Variants in GGNBP2 observed in about 807,000 individuals in gnomAD.
GGNBP2 encodes the protein gametogenetin-binding protein 2.
A neutral mutation model predicts 85.9 loss-of-function variants in GGNBP2; 10 were observed. The observed-to-expected ratio is 0.12, with a 90% CI of 0.07 to 0.20. The LOEUF (loss-of-function observed/expected upper bound fraction) is 0.20, where lower values mean the gene tolerates loss of function less well. Among genes scored for constraint, GGNBP2 ranks in the 10% least tolerant of loss-of-function variants. GGNBP2 has a pLI of 1.00. For synonymous variants in GGNBP2, 287 were observed against 285.7 expected (o/e 1.00, Z -0.05); for missense variants, 595 against 857.8 (o/e 0.69, Z 3.83).
intron 8 of GGNBP2, among the ~76,000 whole-genome samples, 182 bp downstream of exon 8, chr17:36,579,601 G>C (rs1434079901): frequency 6.6e-6 from 1 of 152,186 alleles, no homozygotes; most frequent in African/African-American, 2.4e-5. Flanking sequence ...CTGGGATTTA[G>C]AAGAAGTTGA....
At chr17:36,575,535 G>A (rs2074568302) in intron 6 of GGNBP2, among the ~76,000 whole-genome samples, 1 of 146,846 alleles carries the variant, frequency 6.8e-6, no homozygotes, top group South Asian at 2.1e-4. Flanking sequence ...TAAAACTTTA[G>A]TGAAATAACA....
At chr17:36,550,882 C>A (rs750821421) in intron 2 of GGNBP2, among the ~76,000 whole-genome samples, 1 of 152,160 alleles carries the variant, frequency 6.6e-6, no homozygotes, top group Non-Finnish European at 1.5e-5. Flanking sequence ...GAATGAAGAA[C>A]AAATTGTGCT....
intron 6 of GGNBP2, among the ~76,000 whole-genome samples, chr17:36,570,337 G>A (rs1048823390): frequency 2.6e-5 from 4 of 152,156 alleles, no homozygotes; most frequent in Admixed American, 2.0e-4. Context: ...CACAGTGGCC[G>A]TGATTGTACC....
rs768839857 is a variant in GGNBP2, at chr17:36,554,809, T to C, written c.94-11T>C. On this transcript the variant is annotated splice_polypyrimidine_tract_variant and intron_variant, in intron 2 of 13. Transcript: ENST00000613102. ...TAAAGTAATTGATTTCCGTTCTGTT[T>C]GCATTTTAAGATGGTGATGGAATTT... 6 of 1,550,642 alleles carry C rather than the reference T, an allele frequency of 3.9e-6. No homozygotes were observed. In the African/African-American group the frequency reaches 5.4e-5, roughly 14 times the overall value.
Position 36,589,697 on chromosome 17 carries a change from ATGT to A in GGNBP2, c.*290_*292del, listed in dbSNP as rs1258496643. Reference sequence around the variant, plus strand: ...TAAAGCAACTTAGTGGCAAAAAGTAATGTTGTACTTATAATTCTGTACAGAAAT... The same window carrying A: ...TAAAGCAACTTAGTGGCAAAAAGTAATGTACTTATAATTCTGTACAGAAAT... On this transcript the variant is annotated 3_prime_UTR_variant, in exon 14 of 14. Coordinates refer to ENST00000613102, the MANE Select transcript of GGNBP2 (RefSeq NM_024835.5). 1.6e-5 allele frequency: 7 copies of A among 437,278 alleles called. No homozygotes were observed. Among genetic ancestry groups the A allele is most frequent in the South Asian group, 6.9e-5 (2 of 28,964 alleles). 27.1% of individuals were successfully genotyped at this position (437,278 alleles called of 1,614,324 possible).
At chr17:36,558,773 A>G (rs1297965090) in intron 4 of GGNBP2, among the ~76,000 whole-genome samples, 3 of 146,034 alleles carry the variant, frequency 2.1e-5, no homozygotes, top group Admixed American at 6.8e-5. Flanking sequence ...TTTTTTTTTT[A>G]CTCTGAGTGA....
At chr17:36,564,892 A>C (rs962874564) in intron 5 of GGNBP2, among the ~76,000 whole-genome samples, 13 of 152,198 alleles carry the variant, frequency 8.5e-5, no homozygotes, top group African/African-American at 2.9e-4. Context: ...CATCTATGCA[A>C]GTAAACCCAG....
chr17:36,549,484 G>A (rs2074288136), intron 2 of GGNBP2, among the ~76,000 whole-genome samples: 1 of 152,192 alleles, frequency 6.6e-6, no homozygotes, highest in Non-Finnish European at 1.5e-5. Flanking sequence ...GGGATTACAG[G>A]TGTGAGCCAC....
chr17:36,570,878 G>T (rs1555606680), intron 6 of GGNBP2, among the ~76,000 whole-genome samples: 1 of 152,006 alleles, frequency 6.6e-6, no homozygotes, highest in African/African-American at 2.4e-5. Flanking sequence ...AAATTAGCCA[G>T]GCATGGTGGT....
At position 36,555,520 on chromosome 17, in the gene GGNBP2, C is replaced by T. The variant is rs560873404; in HGVS notation, c.174+620C>T. On this transcript the variant is annotated intron_variant, in intron 3 of 13. Coordinates refer to ENST00000613102, the MANE Select transcript of GGNBP2 (RefSeq NM_024835.5). ...ACCAGCCTGGGCAACATGGCAAAAC[C>T]CTGTTTCTACAGAAAATGCAAAAAA... Among the ~76,000 whole-genome samples, 8 of 152,256 alleles carry T rather than the reference C, an allele frequency of 5.3e-5. 1 individual carries two copies. The highest frequency in any genetic ancestry group is 1.9e-4 in the African/African-American group (8 of 41,546).
chr17:36,554,797 TTC>T, intron 2 of GGNBP2, 21 bp from the exon 3 acceptor site: 1 of 1,454,208 alleles, frequency 6.9e-7, no homozygotes, highest in Non-Finnish European at 9.7e-7. Context: ...AGTAATTGAT[TTC>T]CGTTCTGTTT....
rs1295597247 is a variant in GGNBP2 at position 36,569,139 on chromosome 17, C to T, written c.641+1363C>T. Among the ~76,000 whole-genome samples the T allele has an allele frequency of 4.6e-5, 7 of 151,492 alleles. No homozygotes were observed. The South Asian group carries it at 1.1e-3, about 23-fold the overall frequency. ...GAAAAGGAAACTGGTGGGCAGGGTG[C>T]GGTGGCTCACGTCTGTAATCCCAGC... is the stretch of plus-strand genomic sequence containing the variant. On this transcript the variant is annotated intron_variant, in intron 6 of 13. Transcript: ENST00000613102.
intron 2 of GGNBP2, among the ~76,000 whole-genome samples, chr17:36,548,273 A>C (rs1023115538): frequency 1.3e-5 from 2 of 152,194 alleles, no homozygotes; most frequent in African/African-American, 4.8e-5. Flanking sequence ...TTAAACTGGC[A>C]GTTGTAATTT....
intron 2 of GGNBP2, among the ~76,000 whole-genome samples, chr17:36,554,064 C>T (rs531302997): frequency 5.5e-4 from 83 of 152,084 alleles, no homozygotes; most frequent in Non-Finnish European, 2.2e-4. Context: ...CAGTGGCTCA[C>T]GACTGTAATC....
chr17:36,576,591 ATATATGTGTGTG>A lies in GGNBP2; in HGVS notation c.642-1390_642-1379del, dbSNP rs2074588960. The A allele has an allele frequency of 6.1e-5, 3 of 49,182 alleles. No homozygotes were observed. In the South Asian group the frequency reaches 2.3e-3, roughly 38 times the overall value. 3.0% of individuals were successfully genotyped at this position (49,182 alleles called of 1,614,324 possible). On this transcript the variant is annotated intron_variant, in intron 6 of 13. Transcript: ENST00000613102. ...AAAAAAAAAAAAAAAAAAAATATAT[ATATATGTGTGTG>A]TGTGTGTGTGTGTGTGTGTGTGTGT... is the stretch of plus-strand genomic sequence containing the variant.
intron 6 of GGNBP2, among the ~76,000 whole-genome samples, chr17:36,570,988 C>G (rs2074518357): frequency 6.6e-6 from 1 of 152,104 alleles, no homozygotes; most frequent in Admixed American, 6.6e-5. Flanking sequence ...CTACTGCACT[C>G]AAGCCTGGGT....
intron 2 of GGNBP2, among the ~76,000 whole-genome samples, chr17:36,552,357 A>AT (rs1284803659): frequency 2.0e-5 from 3 of 152,138 alleles, no homozygotes; most frequent in Non-Finnish European, 2.9e-5. Context: ...GATTATTATT[A>AT]TTTTTTTAAA....
At chr17:36,548,651 A>G (rs1555602851) in intron 2 of GGNBP2, among the ~76,000 whole-genome samples, 12 of 136,652 alleles carry the variant, frequency 8.8e-5, no homozygotes, top group Non-Finnish European at 1.4e-4. Context: ...AAAAAAAAAA[A>G]AGTAGCCTTA....
intron 9 of GGNBP2, among the ~76,000 whole-genome samples, chr17:36,583,339 A>C (rs1271519469): frequency 6.6e-6 from 1 of 152,164 alleles, no homozygotes; most frequent in Non-Finnish European, 1.5e-5. Context: ...GGTGTGAGCC[A>C]CCGCGCCTGA....
Sources: gnomAD v4.1 joint callset for allele counts (sites outside exome capture counted in the v4.1 genomes callset) on GRCh38, gnomAD v4.1.1 for gene constraint, MANE v1.5 for transcripts, NCBI Gene and HGNC (gene_info 2026-07-23, HGNC 2026-07-21) for gene names.